The following SRFBP1 variants were observed in gnomAD, a reference collection of about 807,000 sequenced individuals.
SRFBP1 encodes the protein serum response factor-binding protein 1.
A neutral mutation model predicts 45.5 loss-of-function variants in SRFBP1; 47 were observed. The observed-to-expected ratio is 1.03, with a 90% CI of 0.82 to 1.32. SRFBP1 has a LOEUF of 1.32. Among genes scored for constraint, SRFBP1 ranks in the 40% most tolerant of loss-of-function variants. SRFBP1 has a pLI of 0.00. For missense variants in SRFBP1, 621 were observed against 484.6 expected, an observed-to-expected ratio of 1.28 and a Z score of -2.64; for synonymous variants, 203 against 166.3, an observed-to-expected ratio of 1.22 and a Z score of -1.70.
chr5:121,995,604 A>C (rs1051176054), intron 4 of SRFBP1, among the ~76,000 whole-genome samples: 106 of 150,968 alleles, frequency 7.0e-4, no homozygotes, highest in African/African-American at 2.4e-3. Flanking sequence ...AATTAAAAGA[A>C]CTAGAAAAGC....
chr5:122,070,473 T>C (rs1561417474), intron 2 of SRFBP1: 1 of 1,317,352 alleles, frequency 7.6e-7, no homozygotes, highest in East Asian at 2.3e-5. Context: ...CAATATATGA[T>C]ATATTTTCAA....
At chr5:121,966,346 G>T (rs1305371788) in intron 1 of SRFBP1, among the ~76,000 whole-genome samples, 1 of 152,062 alleles carries the variant, frequency 6.6e-6, no homozygotes, top group African/African-American at 2.4e-5. Context: ...ATTATTTATT[G>T]CATATTTTTG....
chr5:121,972,925 A>G (rs1752228474), intron 1 of SRFBP1, among the ~76,000 whole-genome samples: 1 of 151,966 alleles, frequency 6.6e-6, no homozygotes, highest in Non-Finnish European at 1.5e-5. Context: ...TCAAGTGGAC[A>G]TGCAAGTTAC....
chr5:122,070,596 TAAAC>T lies in SRFBP1; in HGVS notation n.312-4715_312-4712del, dbSNP rs750669899. 1.3e-5 allele frequency: 19 copies of T among 1,491,854 alleles called. No homozygotes were observed. Among genetic ancestry groups the T allele is most frequent in the Non-Finnish European group, 1.7e-5 (18 of 1,079,706 alleles). The allele number at this position is 1,491,854 out of a possible 1,614,324, so 92.4% of individuals were successfully genotyped here. On this transcript the variant is annotated intron_variant and non_coding_transcript_variant, in intron 2 of 2. Transcript: ENST00000504881. The stretch of plus-strand genomic sequence containing the variant: ...AACAGCCAGGACTCAATCCCTAAGA[TAAAC>T]AAAATAAAAAATTTAAAATTATGGT...
intron 3 of SRFBP1, among the ~76,000 whole-genome samples, chr5:121,982,934 A>G (rs565984018): frequency 6.6e-6 from 1 of 151,980 alleles, no homozygotes; most frequent in East Asian, 1.9e-4. Context: ...AATAACTGTG[A>G]AAGTATCCAA....
Position 121,995,597 on chromosome 5 carries a change from TAAAAGAACTAG to T in SRFBP1, c.270+933_270+943del, listed in dbSNP as rs934093470. 4.6e-3 allele frequency among the ~76,000 whole-genome samples: 693 copies of T among 151,950 alleles called. 4 individuals carry two copies. Among genetic ancestry groups the T allele is most frequent in the African/African-American group, 0.016 (655 of 41,404 alleles). On this transcript the variant is annotated intron_variant, in intron 4 of 7. Coordinates refer to ENST00000339397, the MANE Select transcript of SRFBP1 (RefSeq NM_152546.3). ...AAAATTGACACCCTAACATCACAAT[TAAAAGAACTAG>T]AAAAGCAAGAGCAAACATTCAAAAG...
At chr5:121,972,355 A>G (rs551493523) in intron 1 of SRFBP1, among the ~76,000 whole-genome samples, 1 of 152,022 alleles carries the variant, frequency 6.6e-6, no homozygotes, top group South Asian at 2.1e-4. Flanking sequence ...TCTCCACACG[A>G]TTGAAAGAGA....
intron 3 of SRFBP1, among the ~76,000 whole-genome samples, chr5:121,987,630 G>A (rs1209446096): frequency 6.6e-6 from 1 of 152,016 alleles, no homozygotes; most frequent in Non-Finnish European, 1.5e-5. Context: ...ACATTTCTTG[G>A]CACCTTCTAA....
intron 2 of SRFBP1, among the ~76,000 whole-genome samples, chr5:122,036,340 A>G (rs1753692140): frequency 6.6e-6 from 1 of 152,050 alleles, no homozygotes. Flanking sequence ...TGACCCCCCC[A>G]TTAAAAACCA....
chr5:121,971,836 A>T (rs1752205952), intron 1 of SRFBP1, among the ~76,000 whole-genome samples: 1 of 152,016 alleles, frequency 6.6e-6, no homozygotes, highest in Admixed American at 6.6e-5. Context: ...AAGAAAGAGA[A>T]AGTGGTCAAA....
At chr5:122,039,898 C>T (rs1228502414) in intron 2 of SRFBP1, among the ~76,000 whole-genome samples, 4 of 152,044 alleles carry the variant, frequency 2.6e-5, no homozygotes, top group African/African-American at 9.7e-5. Flanking sequence ...ATTGGGTTAT[C>T]CTTATTTGAA....
At chr5:121,999,673 T>C (rs932974573) in intron 4 of SRFBP1, among the ~76,000 whole-genome samples, 2 of 152,134 alleles carry the variant, frequency 1.3e-5, no homozygotes, top group Non-Finnish European at 2.9e-5. Context: ...GCTGATCCTT[T>C]ATAATTATGT....
At chr5:122,051,246 G>A (rs976817819) in intron 2 of SRFBP1, among the ~76,000 whole-genome samples, 2 of 152,124 alleles carry the variant, frequency 1.3e-5, no homozygotes, top group African/African-American at 4.8e-5. Context: ...GTTGTTTTGG[G>A]GTGTAGAGTT....
intron 1 of SRFBP1, among the ~76,000 whole-genome samples, chr5:121,965,611 A>T (rs1752047045): frequency 6.6e-6 from 1 of 152,196 alleles, no homozygotes; most frequent in African/African-American, 2.4e-5. Context: ...TATAGTTTGA[A>T]GTCAGGTAGC....
At chr5:121,986,842 C>A (rs890560652) in intron 3 of SRFBP1, among the ~76,000 whole-genome samples, 2 of 151,968 alleles carry the variant, frequency 1.3e-5, no homozygotes, top group Admixed American at 1.3e-4. Context: ...GAGTGAGAAA[C>A]TTTTTAGAAT....
At chr5:121,976,786 T>C (rs963116635) in intron 3 of SRFBP1, among the ~76,000 whole-genome samples, 18 of 150,668 alleles carry the variant, frequency 1.2e-4, no homozygotes, top group African/African-American at 4.4e-4. Flanking sequence ...ACACATACAA[T>C]GTATAGTTGG....
chr5:122,028,644 C>A (rs1361986870), downstream of SRFBP1: 1 of 151,516 alleles, frequency 6.6e-6, no homozygotes, highest in Admixed American at 6.6e-5. Flanking sequence ...TAATGGAATT[C>A]AAGGGATTAT....
At chr5:122,060,535 G>T (rs1754153816) in intron 2 of SRFBP1, among the ~76,000 whole-genome samples, 1 of 152,006 alleles carries the variant, frequency 6.6e-6, no homozygotes. Context: ...TGTATCAGCT[G>T]TAGTATCTAC....
intron 4 of SRFBP1, among the ~76,000 whole-genome samples, chr5:122,018,580 A>G (rs549534012): frequency 5.3e-5 from 8 of 152,316 alleles, no homozygotes; most frequent in African/African-American, 9.6e-5. Context: ...GACAATGTCA[A>G]ATAGATGTCA....
Sources: gnomAD v4.1 joint callset for allele counts (sites outside exome capture counted in the v4.1 genomes callset) on GRCh38, gnomAD v4.1.1 for gene constraint, MANE v1.5 for transcripts, NCBI Gene and HGNC (gene_info 2026-07-23, HGNC 2026-07-21) for gene names.